Variants in SPEG observed in about 807,000 individuals in gnomAD.
The protein encoded by SPEG is striated muscle preferentially expressed protein kinase.
In SPEG, 114 loss-of-function variants were observed where a neutral mutation model predicts 300.4. The ratio of observed to expected loss-of-function variants is 0.38; its 90% CI spans 0.33 to 0.44. The LOEUF (loss-of-function observed/expected upper bound fraction) is 0.44, where lower values mean the gene tolerates loss of function less well. SPEG is among the 20% of genes least tolerant of loss of function. SPEG has a pLI of 1.00. For missense variants in SPEG, 4,201 were observed against 4,586.2 expected (o/e 0.92, Z 2.43); for synonymous variants, 1,964 against 2,018.9 (o/e 0.97, Z 0.73).
chr2:219,488,543 G>A lies in SPEG; in HGVS notation c.7904G>A (p.Cys2635Tyr), dbSNP rs775434417. The stretch of plus-strand genomic sequence containing the variant: ...GAGCCCTCAGTGATCATCGTGTCCT[G>A]CAAAGATGGGCGGCAGCTGCTCAGC... ...RSEPSVIIVS[C>Y]KDGRQLLSIP... The change falls in exon 33 of 41, where the codon TGC becomes TAC. Residue 2635 changes from cysteine to tyrosine, a missense_variant. By Grantham distance (194) the Cys-to-Tyr change is radical. Transcript: ENST00000312358. 28 of 1,608,166 alleles carry A rather than the reference G, an allele frequency of 1.7e-5. No homozygotes were observed. Among genetic ancestry groups the A allele is most frequent in the Non-Finnish European group, 2.3e-5 (27 of 1,177,386 alleles).
In SPEG at chr2:219,471,894, C is replaced by T. The variant is rs576108067; in HGVS notation, c.3742C>T (p.Pro1248Ser). The change falls in exon 14 of 41, where the codon CCT becomes TCT. Residue 1248 changes from proline (P) to serine (S), a missense_variant. Physicochemically the swap from Pro to Ser is moderately conservative, Grantham distance 74 (BLOSUM62 -1). Around this residue, in one of 4 missense-constraint regions of SPEG, gnomAD observed 1,047 missense variants for 1,356.8 expected, o/e 0.77. Coordinates refer to ENST00000312358, the MANE Select transcript of SPEG (RefSeq NM_005876.5). ...CAGGGATGTCCATCGCTTGGTGTTC[C>T]CTGCCGTGGGGCCTCAGCACGCCGG... ...QYRDVHRLVF[P>S]AVGPQHAGVY... 8.4e-5 allele frequency: 136 copies of T among 1,614,088 alleles called. 1 individual carries two copies. In the South Asian group the frequency reaches 1.3e-3, roughly 16 times the overall value.
intron 30 of SPEG, 61 bp from the exon 31 acceptor site, chr2:219,485,285 A>G: frequency 1.3e-6 from 2 of 1,560,610 alleles, no homozygotes; most frequent in South Asian, 1.2e-5. Flanking sequence ...TGAGGGCTGC[A>G]GAGAGGTGGG....
In SPEG at chr2:219,459,178, C is replaced by T. The variant is rs914580492; in HGVS notation, c.2441-2704C>T. On this transcript the variant is annotated intron_variant, in intron 6 of 40. Coordinates refer to ENST00000312358, the MANE Select transcript of SPEG (RefSeq NM_005876.5). The surrounding 1 kb of genome is among the most constrained non-coding windows in gnomAD (Gnocchi z 4.9). ...GGGATTGGGAGCCAGTGTGAAGGGG[C>T]GGTACTTCCGTGGTGGGTTGTTCGG... Among the ~76,000 whole-genome samples, 8 of 152,226 alleles carry T rather than the reference C, an allele frequency of 5.3e-5. No homozygotes were observed. Among genetic ancestry groups the T allele is most frequent in the Middle Eastern group, 3.4e-3 (1 of 294 alleles).
chr2:219,478,694 C>G (rs1692559912), intron 22 of SPEG, among the ~76,000 whole-genome samples: 1 of 152,188 alleles, frequency 6.6e-6, no homozygotes, highest in Non-Finnish European at 1.5e-5. Context: ...AGCCTCCTGC[C>G]TGCACTGTTT....
At chr2:219,483,002 C>T in intron 29 of SPEG, 96 bp from the exon 30 acceptor site, 1 of 1,436,764 alleles carries the variant, frequency 7.0e-7, no homozygotes. Context: ...TGACCCTCTG[C>T]ATGCTCAGGC....
At chr2:219,455,845 C>T (rs181883048) in intron 6 of SPEG, among the ~76,000 whole-genome samples, 3 of 152,318 alleles carry the variant, frequency 2.0e-5, no homozygotes, top group East Asian at 3.9e-4. Flanking sequence ...CCGTGCGCCC[C>T]GAGAGGAGGC....
Position 219,443,958 on chromosome 2 carries a change from A to G in SPEG, c.389-695A>G. 1.5e-6 allele frequency: 2 copies of G among 1,292,312 alleles called. No homozygotes were observed. The highest frequency in any genetic ancestry group is 2.1e-6 in the Non-Finnish European group (2 of 966,038). The allele number at this position is 1,292,312 out of a possible 1,614,324, so 80.1% of individuals were successfully genotyped here. ...GCCCCTTCTGTCTTGACTGCCCTCCATGCCCTGCCCCACAAACGCTCTGAT... is the reference window on the plus strand; with the variant it reads ...GCCCCTTCTGTCTTGACTGCCCTCCGTGCCCTGCCCCACAAACGCTCTGAT... On this transcript the variant is annotated intron_variant, in intron 1 of 40. Coordinates refer to ENST00000312358, the MANE Select transcript of SPEG (RefSeq NM_005876.5). This position sits in a 1 kb window ranked among gnomAD's most constrained non-coding sequence, Gnocchi z 4.6.
chr2:219,438,071 G>GGCCAAGT (rs1486343488), intron 1 of SPEG, among the ~76,000 whole-genome samples: 1 of 152,098 alleles, frequency 6.6e-6, no homozygotes, highest in Non-Finnish European at 1.5e-5. Context: ...CTGGAAAGTT[G>GGCCAAGT]GGGTCATGAG....
Position 219,483,576 on chromosome 2 carries a change from TGGAGCTGC to T in SPEG, c.6114_6121del (p.Glu2039AlafsTer19). ...CGGGGCCTGCACAAGGCGGCGTCTGTGGAGCTGCCGCAGCGCCGGAGCCCCAGCCCGGG... is the reference window on the plus strand; with the variant it reads ...CGGGGCCTGCACAAGGCGGCGTCTGTCGCAGCGCCGGAGCCCCAGCCCGGG... On this transcript the variant is annotated frameshift_variant, in exon 30 of 41. Coordinates refer to ENST00000312358, the MANE Select transcript of SPEG (RefSeq NM_005876.5). LOFTEE classifies it high-confidence loss of function. 6.8e-7 allele frequency: 1 copy of T among 1,462,694 alleles called. No homozygotes were observed. Among genetic ancestry groups the T allele is most frequent in the Non-Finnish European group, 8.9e-7 (1 of 1,119,036 alleles). 90.6% of individuals were successfully genotyped at this position (1,462,694 alleles called of 1,614,324 possible). A position where few individuals can be genotyped will look rare whatever the true frequency, so the allele number is the denominator to read the frequency against.
chr2:219,482,214 G>T (rs112122373), intron 28 of SPEG: 3,892 of 178,002 alleles, frequency 0.022, 157 homozygotes, highest in African/African-American at 0.085. Flanking sequence ...TGGAAAGAGC[G>T]CCTGAATAAA....
At chr2:219,460,331 C>T (rs778653867) in intron 6 of SPEG, 86 of 985,286 alleles carry the variant, frequency 8.7e-5, no homozygotes, top group Non-Finnish European at 1.0e-4. Context: ...TATGCCCTGG[C>T]TCTGTAGTAT....
chr2:219,461,773 G>A lies in SPEG; in HGVS notation c.2441-109G>A, dbSNP rs547018962. The A allele has an allele frequency of 5.5e-5, 66 of 1,205,624 alleles. No homozygotes were observed. In the East Asian group the frequency reaches 6.4e-4, roughly 12 times the overall value. The allele number at this position is 1,205,624 out of a possible 1,614,324, so 74.7% of individuals were successfully genotyped here. On this transcript the variant is annotated intron_variant, in intron 6 of 40. Coordinates refer to ENST00000312358, the MANE Select transcript of SPEG (RefSeq NM_005876.5). ...CTGGGGGTGAAGTCAGGGCAGGGCC[G>A]GCCTGCGGGGAGCTGCCGCAACTCC...
chr2:219,442,942 C>T (rs1395632989), intron 1 of SPEG, among the ~76,000 whole-genome samples: 3 of 152,090 alleles, frequency 2.0e-5, no homozygotes, highest in African/African-American at 4.8e-5. Flanking sequence ...GGAGTCATTC[C>T]CTACAGGGGA....
rs936963608 is a variant in SPEG, at chr2:219,435,036, C to T, written c.59C>T (p.Pro20Leu). The T allele has an allele frequency of 3.3e-6, 5 of 1,495,346 alleles. No individual in the cohort carries two copies. The African/African-American group carries it at 7.3e-5, about 22-fold the overall frequency. The allele number at this position is 1,495,346 out of a possible 1,614,324, so 92.6% of individuals were successfully genotyped here. Residue 20 changes from proline (P) to leucine (L), a missense_variant, in exon 1 of 41, where the codon CCC (proline) becomes CTC (leucine). Pro to Leu is a moderately conservative substitution (Grantham distance 98). Transcript: ENST00000312358. ...GCGGGCACGAGGGCACCCCCCAGCC[C>T]CGGAGTGCCCCCGAAAAGGGCCAAG... is the stretch of plus-strand genomic sequence containing the variant. ...EDAGTRAPPSPGVPPKRAKVG... is the reference protein window; with the variant it reads ...EDAGTRAPPSLGVPPKRAKVG...
chr2:219,466,089 C>T, intron 9 of SPEG: 1 of 1,598,898 alleles, frequency 6.3e-7, no homozygotes, highest in Non-Finnish European at 8.5e-7. Context: ...CTGTGCTCCC[C>T]CCGCTACCCT....
At chr2:219,470,612 T>G (rs1243120128) in intron 13 of SPEG, among the ~76,000 whole-genome samples, 1 of 152,136 alleles carries the variant, frequency 6.6e-6, no homozygotes, top group Non-Finnish European at 1.5e-5. Flanking sequence ...CAGAGATAAC[T>G]GCAAAGAGAA....
At chr2:219,437,280 C>G (rs1019387782) in intron 1 of SPEG, 1 of 152,290 alleles carries the variant, frequency 6.6e-6, no homozygotes, top group African/African-American at 2.4e-5. Context: ...TGGCATTTCT[C>G]AAGATGGATG....
At chr2:219,450,987 G>T (rs1252579853) in intron 4 of SPEG, 149 bp from the exon 5 acceptor site, 2 of 745,792 alleles carry the variant, frequency 2.7e-6, no homozygotes, top group East Asian at 5.8e-5. Context: ...CATTCAGGAG[G>T]CAGACCCTCT....
chr2:219,460,653 C>A (rs73991561), intron 6 of SPEG: 8 of 985,526 alleles, frequency 8.1e-6, no homozygotes, highest in Non-Finnish European at 9.6e-6. Context: ...CAGACGGCCG[C>A]GCTCCGCCCT....
Sources: allele counts gnomAD v4.1 joint callset (sites outside exome capture counted in the v4.1 genomes callset), GRCh38; gene constraint gnomAD v4.1.1; regional missense constraint gnomAD v4.1.1; non-coding constraint Gnocchi (gnomAD v3.1); transcripts MANE v1.5; gene names NCBI Gene and HGNC (gene_info 2026-07-23, HGNC 2026-07-21).